DGKB: variants seen among roughly 807,000 people sequenced by gnomAD.
DGKB encodes diacylglycerol kinase beta.
In DGKB, 67 loss-of-function variants were observed where a neutral mutation model predicts 114.3. That is an observed-to-expected ratio of 0.59 (90% CI 0.48 to 0.72). DGKB has a LOEUF of 0.72. DGKB is among the 30% of genes least tolerant of loss of function. The probability of loss-of-function intolerance (pLI) is 0.00; values close to 1 mark genes in which losing one functional copy is unlikely to be tolerated. For synonymous variants in DGKB, 398 were observed against 323.1 expected, an observed-to-expected ratio of 1.23 and a Z score of -2.49; for missense variants, 907 against 975.2, an observed-to-expected ratio of 0.93 and a Z score of 0.93.
intron 21 of DGKB, among the ~76,000 whole-genome samples, chr7:14,436,613 T>G (rs1829312390): frequency 6.6e-6 from 1 of 152,148 alleles, no homozygotes; most frequent in Non-Finnish European, 1.5e-5. Context: ...ATGCAGCATT[T>G]TGTTTTTAAC....
chr7:14,699,477 T>C (rs1036068145), intron 7 of DGKB, among the ~76,000 whole-genome samples: 2 of 152,230 alleles, frequency 1.3e-5, no homozygotes, highest in African/African-American at 2.4e-5. Flanking sequence ...TAACTTTACC[T>C]CCTTCATAGA....
At chr7:14,491,623 T>G (rs755124943) in intron 20 of DGKB, among the ~76,000 whole-genome samples, 3 of 152,106 alleles carry the variant, frequency 2.0e-5, no homozygotes, top group Non-Finnish European at 4.4e-5. Flanking sequence ...AGAACACATA[T>G]TATTCAGAAA....
At position 14,145,332 on chromosome 7, in the gene DGKB, C is replaced by G. The variant is rs1054440072; in HGVS notation, c.*3799G>C. On this transcript the variant is annotated 3_prime_UTR_variant, in exon 26 of 26. Transcript: ENST00000402815. Reference sequence around the variant, plus strand: ...TTAATATATGTTACAAGGGTTTAATCTTTTAATAGAGATATTATTCAGTTA... The same window carrying G: ...TTAATATATGTTACAAGGGTTTAATGTTTTAATAGAGATATTATTCAGTTA... 21 of 152,016 alleles carry G rather than the reference C, an allele frequency of 1.4e-4. No individual in the cohort carries two copies. Among genetic ancestry groups the G allele is most frequent in the African/African-American group, 4.3e-4 (18 of 41,388 alleles). 9.4% of individuals were successfully genotyped at this position (152,016 alleles called of 1,614,324 possible).
At chr7:14,808,168 T>G (rs1225499137) in intron 2 of DGKB, among the ~76,000 whole-genome samples, 1 of 152,056 alleles carries the variant, frequency 6.6e-6, no homozygotes, top group Non-Finnish European at 1.5e-5. Context: ...CTAACAAGTC[T>G]TTTGTAAGTG....
At chr7:14,659,254 C>A (rs1199577918) in intron 13 of DGKB, among the ~76,000 whole-genome samples, 1 of 152,032 alleles carries the variant, frequency 6.6e-6, no homozygotes, top group African/African-American at 2.4e-5. Flanking sequence ...TGTTTCACAT[C>A]CTATCATTTC....
intron 23 of DGKB, among the ~76,000 whole-genome samples, chr7:14,196,967 A>G (rs1785117992): frequency 6.6e-6 from 1 of 152,150 alleles, no homozygotes; most frequent in Non-Finnish European, 1.5e-5. Flanking sequence ...AACATTCATG[A>G]CTAATCGTAG....
chr7:14,226,673 A>G (rs1367829724), intron 23 of DGKB, among the ~76,000 whole-genome samples: 2 of 152,000 alleles, frequency 1.3e-5, no homozygotes, highest in Non-Finnish European at 2.9e-5. Context: ...TGTATCTCAT[A>G]GCTCACTAAA....
chr7:14,875,745 G>A (rs1853182430), intron 1 of DGKB, among the ~76,000 whole-genome samples: 1 of 152,066 alleles, frequency 6.6e-6, no homozygotes, highest in South Asian at 2.1e-4. Flanking sequence ...TGGGCCACAT[G>A]TGGCCCAGGA....
chr7:14,278,121 ATT>A (rs1384660870), intron 23 of DGKB, among the ~76,000 whole-genome samples: 2 of 152,194 alleles, frequency 1.3e-5, no homozygotes, highest in East Asian at 3.9e-4. Flanking sequence ...TCCCAATGCC[ATT>A]TTGGAAACAG....
intron 2 of DGKB, among the ~76,000 whole-genome samples, chr7:14,762,328 C>G (rs1835823879): frequency 6.6e-6 from 1 of 152,008 alleles, no homozygotes; most frequent in Non-Finnish European, 1.5e-5. Context: ...CAGGGGCCCC[C>G]CAAAATGCAC....
chr7:14,831,995 A>C (rs946940771), intron 2 of DGKB, among the ~76,000 whole-genome samples: 1 of 152,120 alleles, frequency 6.6e-6, no homozygotes, highest in Non-Finnish European at 1.5e-5. Context: ...GAAAAAGAAA[A>C]GATAGTAGAA....
chr7:14,464,462 C>A (rs1388933976), intron 21 of DGKB, among the ~76,000 whole-genome samples: 1 of 152,090 alleles, frequency 6.6e-6, no homozygotes, highest in Non-Finnish European at 1.5e-5. Flanking sequence ...AAAGAACAAA[C>A]TGTGTCTACA....
At chr7:14,545,404 C>T (rs187017473) in intron 20 of DGKB, among the ~76,000 whole-genome samples, 6 of 152,216 alleles carry the variant, frequency 3.9e-5, no homozygotes, top group Middle Eastern at 3.4e-3. Context: ...AAAGCATGGA[C>T]GCAAAGAGAT....
chr7:14,636,630 T>C (rs1810808904), intron 13 of DGKB, among the ~76,000 whole-genome samples: 1 of 151,816 alleles, frequency 6.6e-6, no homozygotes, highest in African/African-American at 2.4e-5. Context: ...TCTTTAAGAA[T>C]TGGGTAGGAA....
chr7:14,546,046 G>A (rs1794231340), intron 20 of DGKB, among the ~76,000 whole-genome samples: 1 of 152,112 alleles, frequency 6.6e-6, no homozygotes, highest in African/African-American at 2.4e-5. Flanking sequence ...CATTAGACAT[G>A]TTCTCCAATC....
chr7:14,973,738 A>C (rs577012849), intron 1 of DGKB, among the ~76,000 whole-genome samples: 1 of 149,278 alleles, frequency 6.7e-6, no homozygotes, highest in African/African-American at 2.4e-5. Context: ...AGCCCATATT[A>C]TATATGACGC....
intron 15 of DGKB, among the ~76,000 whole-genome samples, chr7:14,617,408 T>G (rs1299500437): frequency 1.3e-5 from 2 of 151,632 alleles, no homozygotes; most frequent in African/African-American, 4.8e-5. Context: ...TATCTTTTGC[T>G]CATTCCTCAA....
At chr7:14,186,461 G>T (rs183643400) in intron 23 of DGKB, among the ~76,000 whole-genome samples, 2 of 152,322 alleles carry the variant, frequency 1.3e-5, no homozygotes, top group Admixed American at 6.5e-5. Context: ...ACAGTGTGGA[G>T]ATTCCTTAAA....
At chr7:14,259,401 CTCTCTCTATATA>C (rs370787021) in intron 23 of DGKB, among the ~76,000 whole-genome samples, 4,729 of 102,684 alleles carry the variant, frequency 0.046, 86 homozygotes, top group Non-Finnish European at 0.054. Flanking sequence ...CTCTCTCTCT[CTCTCTCTATATA>C]TATATATATA....
Sources: gnomAD v4.1 joint callset for allele counts (sites outside exome capture counted in the v4.1 genomes callset) on GRCh38, gnomAD v4.1.1 for gene constraint, MANE v1.5 for transcripts, NCBI Gene and HGNC (gene_info 2026-07-23, HGNC 2026-07-21) for gene names.